The following PLEKHN1 variants were observed in gnomAD, a reference collection of about 807,000 sequenced individuals.
PLEKHN1 encodes the protein pleckstrin homology domain containing N1.
A neutral mutation model predicts 72.8 loss-of-function variants in PLEKHN1; 68 were observed. The observed-to-expected ratio is 0.93, with a 90% CI of 0.77 to 1.14. The LOEUF (loss-of-function observed/expected upper bound fraction) is 1.14. Among genes scored for constraint, PLEKHN1 ranks in the 50% most tolerant of loss-of-function variants. The pLI, the probability that PLEKHN1 is intolerant of heterozygous loss-of-function variation, is 0.00. For synonymous variants in PLEKHN1, 454 were observed against 371.6 expected, an observed-to-expected ratio of 1.22 and a Z score of -2.55; for missense variants, 1,015 against 840.5, an observed-to-expected ratio of 1.21 and a Z score of -2.57.
chr1:969,458 T>C (rs1324482367), intron 2 of PLEKHN1, among the ~76,000 whole-genome samples: 2 of 152,138 alleles, frequency 1.3e-5, no homozygotes, highest in African/African-American at 4.8e-5. Flanking sequence ...TGGAAATGTA[T>C]GCATGTATGC....
intron 2 of PLEKHN1, among the ~76,000 whole-genome samples, chr1:969,371 G>A (rs539687904): frequency 4.0e-4 from 15 of 37,100 alleles, no homozygotes; most frequent in African/African-American, 2.5e-3. Flanking sequence ...GTGTTTGCAC[G>A]TGTATATGTG....
At chr1:969,784 T>A (rs1003092153) in intron 2 of PLEKHN1, among the ~76,000 whole-genome samples, 1 of 152,070 alleles carries the variant, frequency 6.6e-6, no homozygotes, top group African/African-American at 2.4e-5. Flanking sequence ...TGTGTGCGTG[T>A]ATGCATTTAT....
chr1:972,961 C>CT lies in PLEKHN1; in HGVS notation c.1104dup (p.Glu369Ter), dbSNP rs1643416903. 2 of 1,585,142 alleles carry CT rather than the reference C, an allele frequency of 1.3e-6. No individual in the cohort carries two copies. Among genetic ancestry groups the CT allele is most frequent in the African/African-American group, 1.3e-5 (1 of 74,468 alleles). ...TCCACCCGCACCAGCCACTCCCTGC[C>CT]TGAGTCCTCAGTGCCATCCACCGTG... On this transcript the variant is annotated frameshift_variant, in exon 11 of 16. Transcript: ENST00000379410. LOFTEE classifies it high-confidence loss of function.
chr1:967,506 C>T (rs1643071583), intron 2 of PLEKHN1, among the ~76,000 whole-genome samples: 2 of 152,164 alleles, frequency 1.3e-5, no homozygotes, highest in Admixed American at 6.5e-5. Context: ...GGAACCCCCA[C>T]TGCACCCCCG....
At position 972,997 on chromosome 1, in the gene PLEKHN1, C is replaced by T. The variant is rs992453603; in HGVS notation, c.1139C>T (p.Ser380Phe). ...SSVPSTVGCS[S>F]QHTPDQANSD... ...GTGCCATCCACCGTGGGCTGCTCCT[C>T]CCAGCACACACCGGTGAGCGCTTAC... is the stretch of plus-strand genomic sequence containing the variant. The change falls in exon 11 of 16, where the codon TCC becomes TTC. Residue 380 changes from serine (S) to phenylalanine (F), a missense_variant. Transcript: ENST00000379410. 6.3e-7 allele frequency: 1 copy of T among 1,598,638 alleles called. No homozygotes were observed. Among genetic ancestry groups the T allele is most frequent in the Admixed American group, 1.7e-5 (1 of 58,286 alleles).
At chr1:968,005 C>T (rs910230755) in intron 2 of PLEKHN1, among the ~76,000 whole-genome samples, 2 of 152,328 alleles carry the variant, frequency 1.3e-5, no homozygotes, top group East Asian at 3.9e-4. Flanking sequence ...GGCCCTGTAC[C>T]TGGGCTCTGC....
At position 972,904 on chromosome 1, in the gene PLEKHN1, C is replaced by A; in HGVS notation, c.1046C>A (p.Thr349Asn). The A allele has an allele frequency of 6.4e-7, 1 of 1,559,860 alleles. No homozygotes were observed. The highest frequency in any genetic ancestry group is 1.9e-5 in the Admixed American group (1 of 52,476). Residue 349 changes from threonine (T) to asparagine (N), a missense_variant, in exon 11 of 16, where the codon ACC (threonine) becomes AAC (asparagine). Coordinates refer to ENST00000379410, the MANE Select transcript of PLEKHN1 (RefSeq NM_032129.3). The stretch of plus-strand genomic sequence containing the variant: ...GGCTCACTCTCCTCAGGCGGACAGA[C>A]CAGCTGGGACTCGGGGTGCTTGGCG... ...GRGSLSSGGQ[T>N]SWDSGCLAPP...
At chr1:967,306 AAGG>A (rs1643055214) in intron 2 of PLEKHN1, among the ~76,000 whole-genome samples, 1 of 152,160 alleles carries the variant, frequency 6.6e-6, no homozygotes, top group Non-Finnish European at 1.5e-5. Flanking sequence ...GCCATGCAGC[AAGG>A]AGGTGTCTCC....
rs1004909583 is a variant in PLEKHN1, at chr1:966,856, CGT to C, written c.183+59_183+60del. The C allele has an allele frequency of 1.1e-5, 17 of 1,492,042 alleles. No homozygotes were observed. The East Asian group carries it at 1.2e-4, about 11-fold the overall frequency. The allele number at this position is 1,492,042 out of a possible 1,614,324, so 92.4% of individuals were successfully genotyped here. A position where few individuals can be genotyped will look rare whatever the true frequency, so the allele number is the denominator to read the frequency against. The stretch of plus-strand genomic sequence containing the variant: ...GTCTGGGAGCGTGGCTCTGCCCGCG[CGT>C]GTGTGCCGTGTGTCCGTGCAGCTCA... On this transcript the variant is annotated intron_variant, in intron 2 of 15. Transcript: ENST00000379410.
In PLEKHN1 at chr1:967,638, A is replaced by T. The variant is rs548435742; in HGVS notation, c.183+835A>T. Among the ~76,000 whole-genome samples the T allele has an allele frequency of 2.6e-5, 4 of 152,170 alleles. No individual in the cohort carries two copies. The South Asian group carries it at 8.3e-4, about 32-fold the overall frequency. Reference sequence around the variant, plus strand: ...CATGGCCGTGCAGACCCCTTTGCCAACATGCCCCCGCCAGGCAGGAAGCTC... The same window carrying T: ...CATGGCCGTGCAGACCCCTTTGCCATCATGCCCCCGCCAGGCAGGAAGCTC... On this transcript the variant is annotated intron_variant, in intron 2 of 15. Coordinates refer to ENST00000379410, the MANE Select transcript of PLEKHN1 (RefSeq NM_032129.3).
rs199980201 is a variant in PLEKHN1, at chr1:974,300, C to T, written c.1654-16C>T. On this transcript the variant is annotated splice_polypyrimidine_tract_variant and intron_variant, in intron 14 of 15. Transcript: ENST00000379410. ...GGGCTGTGCCCGGCTCTCAGACTTG[C>T]GGTTTGGGGTTCCAGGTCTCCTCTG... 3.0e-3 allele frequency: 4,855 copies of T among 1,612,934 alleles called. 10 individuals are homozygous for T. The highest frequency in any genetic ancestry group is 3.9e-3 in the Non-Finnish European group (4,600 of 1,180,012).
At position 974,184 on chromosome 1, in the gene PLEKHN1, A is replaced by G. The variant is rs1643497495; in HGVS notation, c.1654-132A>G. The G allele has an allele frequency of 6.0e-6, 9 of 1,496,558 alleles. No individual in the cohort carries two copies. In the South Asian group the frequency reaches 1.0e-4, roughly 17 times the overall value. 92.7% of individuals were successfully genotyped at this position (1,496,558 alleles called of 1,614,324 possible). A position where few individuals can be genotyped will look rare whatever the true frequency, so the allele number is the denominator to read the frequency against. On this transcript the variant is annotated intron_variant, in intron 14 of 15. Coordinates refer to ENST00000379410, the MANE Select transcript of PLEKHN1 (RefSeq NM_032129.3). ...GGGGCAGATGGAGGCCAGGGGGGCC[A>G]GTAGGGAGTTGGGGAGATGGGACTG...
rs1333850396 is a variant in PLEKHN1, at chr1:970,318, G to A, written c.225G>A (p.Gln75=). The A allele has an allele frequency of 6.2e-7, 1 of 1,613,534 alleles. No individual in the cohort carries two copies. The highest frequency in any genetic ancestry group is 1.1e-5 in the South Asian group (1 of 91,082). The stretch of plus-strand genomic sequence containing the variant: ...AGAACCAGCGAGAAAACCTGGAGCA[G>A]CCATTCCTGAGTGTGTTCAAGAAGG... ...DLENQRENLE[Q]PFLSVFKKGR... Residue 75 remains glutamine, a synonymous_variant, in exon 3 of 16, where the codon CAG becomes CAA. Coordinates refer to ENST00000379410, the MANE Select transcript of PLEKHN1 (RefSeq NM_032129.3). This position sits in a 1 kb window ranked among gnomAD's most constrained non-coding sequence, Gnocchi z 4.2.
In PLEKHN1 at chr1:972,916, CG is replaced by C; in HGVS notation, c.1062del (p.Cys355AlafsTer47). 6.4e-7 allele frequency: 1 copy of C among 1,560,558 alleles called. No individual in the cohort carries two copies. The highest frequency in any genetic ancestry group is 8.7e-7 in the Non-Finnish European group (1 of 1,152,256). ...TCAGGCGGACAGACCAGCTGGGACT[CG>C]GGGTGCTTGGCGCCCCCCTCCACCC... ...LSSGGQTSWD[S>X]GCLAPPSTRT... On this transcript the variant is annotated frameshift_variant, in exon 11 of 16. Coordinates refer to ENST00000379410, the MANE Select transcript of PLEKHN1 (RefSeq NM_032129.3). LOFTEE classifies it high-confidence loss of function.
At position 973,903 on chromosome 1, in the gene PLEKHN1, T is replaced by C. The variant is rs1383216580; in HGVS notation, c.1505T>C (p.Val502Ala). 6.2e-7 allele frequency: 1 copy of C among 1,611,246 alleles called. No homozygotes were observed. The highest frequency in any genetic ancestry group is 1.7e-5 in the Admixed American group (1 of 60,000). ...SSPLPSVPVS[V>A]PASDPRSCSS... ...CCACTCCCCTCGGTGCCTGTGTCTG[T>C]GCCTGCCTCTGACCCTCGCTCCTGC... The change falls in exon 14 of 16, where the codon GTG (valine) becomes GCG (alanine). Residue 502 changes from valine (V) to alanine (A), a missense_variant. Physicochemically the swap from Val to Ala is moderately conservative, Grantham distance 64. Transcript: ENST00000379410.
At chr1:973,153 G>A in intron 11 of PLEKHN1, 33 bp from the exon 12 acceptor site, 1 of 1,498,866 alleles carries the variant, frequency 6.7e-7, no homozygotes, top group South Asian at 1.3e-5. Context: ...AGGGGCCAAA[G>A]GGCTCTTCCT....
rs752352593 is a variant in PLEKHN1 at position 972,929 on chromosome 1, GC to G, written c.1077del (p.Ser360ProfsTer42). The stretch of plus-strand genomic sequence containing the variant: ...CCAGCTGGGACTCGGGGTGCTTGGC[GC>G]CCCCCTCCACCCGCACCAGCCACTC... The part of the protein sequence containing the change: ...QTSWDSGCLA[P>X]PSTRTSHSLP... On this transcript the variant is annotated frameshift_variant, in exon 11 of 16. Coordinates refer to ENST00000379410, the MANE Select transcript of PLEKHN1 (RefSeq NM_032129.3). LOFTEE classifies it high-confidence loss of function. 12 of 1,560,654 alleles carry G rather than the reference GC, an allele frequency of 7.7e-6. No individual in the cohort carries two copies. In the South Asian group the frequency reaches 1.1e-4, roughly 14 times the overall value.
rs200094371 is a variant in PLEKHN1 at position 973,896 on chromosome 1, G to T, written c.1498G>T (p.Val500Leu). The T allele has an allele frequency of 2.2e-5, 35 of 1,611,132 alleles. No homozygotes were observed. Among genetic ancestry groups the T allele is most frequent in the Non-Finnish European group, 1.9e-5 (22 of 1,179,902 alleles). The change falls in exon 14 of 16, where the codon GTG becomes TTG. Residue 500 changes from valine (V) to leucine (L), a missense_variant. Transcript: ENST00000379410. ...CTCGAGCCCACTCCCCTCGGTGCCT[G>T]TGTCTGTGCCTGCCTCTGACCCTCG... Reference protein sequence around the residue: ...TPSSPLPSVPVSVPASDPRSC... With the variant: ...TPSSPLPSVPLSVPASDPRSC...
chr1:969,426 T>A (rs535565136), intron 2 of PLEKHN1, among the ~76,000 whole-genome samples: 58 of 152,130 alleles, frequency 3.8e-4, no homozygotes, highest in African/African-American at 1.1e-3. Flanking sequence ...TATACGTGTG[T>A]GTTGGTGTAT....
Sources: gnomAD v4.1 joint callset for allele counts (sites outside exome capture counted in the v4.1 genomes callset) on GRCh38, gnomAD v4.1.1 for gene constraint, Gnocchi (gnomAD v3.1) non-coding constraint, MANE v1.5 for transcripts, NCBI Gene and HGNC (gene_info 2026-07-23, HGNC 2026-07-21) for gene names.